NRG1: variants seen among roughly 807,000 people sequenced by gnomAD.
NRG1 encodes the protein neuregulin 1.
A neutral mutation model predicts 63.8 loss-of-function variants in NRG1; 18 were observed. That is an observed-to-expected ratio of 0.28 (90% CI 0.19 to 0.42). The LOEUF (loss-of-function observed/expected upper bound fraction) is 0.42. Ranked by LOEUF, NRG1 falls within the 10% of genes least tolerant of loss-of-function variation. The pLI is 1.00. For synonymous variants in NRG1, 302 were observed against 301.3 expected (o/e 1.00, Z -0.02); for missense variants, 762 against 814.7 (o/e 0.94, Z 0.79).
At chr8:31,680,878 C>T (rs6997988) in intron 1 of NRG1, among the ~76,000 whole-genome samples, 22,689 of 152,088 alleles carry the variant, frequency 0.15, 1,835 homozygotes, top group Admixed American at 0.22. Flanking sequence ...TCATTCCTGC[C>T]CGCACACAGA....
chr8:32,227,829 C>T (rs1935390829), intron 1 of NRG1, among the ~76,000 whole-genome samples: 1 of 151,896 alleles, frequency 6.6e-6, no homozygotes, highest in Non-Finnish European at 1.5e-5. Flanking sequence ...CTCCAGATGA[C>T]AAAAAGAAAA....
chr8:32,683,866 A>G (rs1239949088), intron 5 of NRG1, among the ~76,000 whole-genome samples: 2 of 148,940 alleles, frequency 1.3e-5, no homozygotes, highest in African/African-American at 2.5e-5. Flanking sequence ...CAAAACCCTG[A>G]GCTCTTCTAA....
At chr8:32,547,086 C>T (rs1422349095), upstream of NRG1, among the ~76,000 whole-genome samples, 2 of 152,182 alleles carry the variant, frequency 1.3e-5, no homozygotes, top group Admixed American at 1.3e-4. Flanking sequence ...AAGAGTATTT[C>T]ACTGTAAATT....
chr8:31,995,886 A>G (rs974575358), intron 1 of NRG1, among the ~76,000 whole-genome samples: 3 of 151,882 alleles, frequency 2.0e-5, no homozygotes, highest in African/African-American at 4.8e-5. Context: ...TATTCTTGGC[A>G]TGCTTACCTA....
intron 5 of NRG1, among the ~76,000 whole-genome samples, chr8:32,667,772 A>G (rs1240771417): frequency 1.3e-5 from 2 of 152,152 alleles, no homozygotes; most frequent in Admixed American, 6.5e-5. Flanking sequence ...GACTTTGATT[A>G]CTGACACACC....
intron 1 of NRG1, among the ~76,000 whole-genome samples, chr8:32,196,006 A>G (rs1384305469): frequency 6.6e-6 from 1 of 152,214 alleles, no homozygotes; most frequent in African/African-American, 2.4e-5. Context: ...TGTAAAGTAC[A>G]GGCACTAACA....
At chr8:32,693,477 A>T (rs189863421) in intron 5 of NRG1, among the ~76,000 whole-genome samples, 230 of 151,710 alleles carry the variant, frequency 1.5e-3, no homozygotes, top group Non-Finnish European at 2.8e-3. Flanking sequence ...CGGCCTCCCA[A>T]AGTGCTGGGA....
chr8:32,059,927 C>A (rs1823570633), intron 1 of NRG1, among the ~76,000 whole-genome samples: 1 of 152,000 alleles, frequency 6.6e-6, no homozygotes, highest in South Asian at 2.1e-4. Context: ...CTCATGACTT[C>A]TGTCTTTATA....
At chr8:32,519,313 C>T (rs1340941252) in intron 1 of NRG1, among the ~76,000 whole-genome samples, 1 of 151,918 alleles carries the variant, frequency 6.6e-6, no homozygotes, top group Non-Finnish European at 1.5e-5. Context: ...ATACTTTGCC[C>T]GTAAACATTA....
At chr8:31,919,278 A>G (rs1197393841) in intron 1 of NRG1, among the ~76,000 whole-genome samples, 1 of 151,536 alleles carries the variant, frequency 6.6e-6, no homozygotes, top group Admixed American at 6.6e-5. Flanking sequence ...AATATTTGTT[A>G]TATTTTTTGA....
intron 6 of NRG1, among the ~76,000 whole-genome samples, chr8:32,729,712 A>G (rs1248435885): frequency 3.9e-5 from 6 of 152,176 alleles, no homozygotes; most frequent in Admixed American, 2.6e-4. Flanking sequence ...TAAAATCTTA[A>G]TTATATTTAT....
chr8:32,026,508 C>T (rs550791341), intron 1 of NRG1: 2 of 152,292 alleles, frequency 1.3e-5, no homozygotes, highest in African/African-American at 4.8e-5. Flanking sequence ...TCTCCCTTCA[C>T]ATTTTCTTTC....
chr8:32,520,721 T>G (rs943289574), intron 1 of NRG1, among the ~76,000 whole-genome samples: 1 of 152,242 alleles, frequency 6.6e-6, no homozygotes, highest in Non-Finnish European at 1.5e-5. Flanking sequence ...TTCAGTTATC[T>G]GCAATCAACT....
At chr8:32,342,661 T>A (rs1804219422) in intron 1 of NRG1, among the ~76,000 whole-genome samples, 1 of 152,212 alleles carries the variant, frequency 6.6e-6, no homozygotes, top group African/African-American at 2.4e-5. Flanking sequence ...TTCATATTCA[T>A]AGCATAAATT....
chr8:32,544,706 A>G (rs1184741742), upstream of NRG1, among the ~76,000 whole-genome samples: 1 of 25,424 alleles, frequency 3.9e-5, no homozygotes, highest in African/African-American at 1.3e-4. Flanking sequence ...TTTTTTTTGT[A>G]GAGACAGGAT....
chr8:31,640,044 C>T lies in NRG1; in HGVS notation c.37+613C>T. The T allele has an allele frequency of 8.8e-7, 1 of 1,142,366 alleles. No homozygotes were observed. Among genetic ancestry groups the T allele is most frequent in the Non-Finnish European group, 1.1e-6 (1 of 932,380 alleles). The allele number at this position is 1,142,366 out of a possible 1,614,324, so 70.8% of individuals were successfully genotyped here. On this transcript the variant is annotated intron_variant, in intron 1 of 10. Coordinates refer to the NRG1 transcript ENST00000519301. This position sits in a 1 kb window ranked among gnomAD's most constrained non-coding sequence, Gnocchi z 6.3. ...GTCCCGGCCCCCGGGCCCAGCGCCC[C>T]GGCTCCGCCGCCCGCTCGTCGCCGC...
intron 1 of NRG1, among the ~76,000 whole-genome samples, chr8:32,539,559 C>T (rs765277628): frequency 4.6e-5 from 7 of 151,934 alleles, no homozygotes; most frequent in South Asian, 2.1e-4. Context: ...GCTTTTTTTG[C>T]GGGGAAGAGA....
chr8:31,991,010 A>C (rs980666517), intron 1 of NRG1, among the ~76,000 whole-genome samples: 3 of 152,084 alleles, frequency 2.0e-5, no homozygotes, highest in African/African-American at 4.8e-5. Flanking sequence ...TTGTTACTTT[A>C]AAAAATTATC....
chr8:31,965,181 T>C (rs1806115454), intron 1 of NRG1, among the ~76,000 whole-genome samples: 1 of 151,960 alleles, frequency 6.6e-6, no homozygotes, highest in South Asian at 2.1e-4. Flanking sequence ...AATCAACTGG[T>C]GATGGACACT....
Sources: gnomAD v4.1 joint callset for allele counts (sites outside exome capture counted in the v4.1 genomes callset) on GRCh38, gnomAD v4.1.1 for gene constraint, Gnocchi (gnomAD v3.1) non-coding constraint, MANE v1.5 for transcripts, NCBI Gene and HGNC (gene_info 2026-07-23, HGNC 2026-07-21) for gene names.